The following KCNJ3 variants were observed in gnomAD, a reference collection of about 807,000 sequenced individuals.
The protein encoded by KCNJ3 is potassium inwardly rectifying channel subfamily J member 3, also known as G protein-activated inward rectifier potassium channel 1.
In KCNJ3, 4 loss-of-function variants were observed where a neutral mutation model predicts 39.2. The observed-to-expected ratio is 0.10, with a 90% CI of 0.05 to 0.23. The LOEUF (loss-of-function observed/expected upper bound fraction) is 0.23. KCNJ3 is among the 10% of genes least tolerant of loss of function. The pLI is 1.00. For missense variants in KCNJ3, 276 were observed against 634.9 expected, an observed-to-expected ratio of 0.43 and a Z score of 6.08; for synonymous variants, 230 against 237.4, an observed-to-expected ratio of 0.97 and a Z score of 0.29.
chr2:154,847,939 A>C (rs1687688889), intron 2 of KCNJ3, among the ~76,000 whole-genome samples: 1 of 152,126 alleles, frequency 6.6e-6, no homozygotes, highest in South Asian at 2.1e-4. Flanking sequence ...TACTGTGGAC[A>C]CCAGAATATC....
intron 2 of KCNJ3, among the ~76,000 whole-genome samples, chr2:154,748,931 C>G (rs373828042): frequency 2.6e-5 from 4 of 152,234 alleles, no homozygotes; most frequent in South Asian, 4.1e-4. Flanking sequence ...AATGAAGTGG[C>G]TTGCAAGGCA....
At chr2:154,776,555 G>C (rs1023937842) in intron 2 of KCNJ3, among the ~76,000 whole-genome samples, 1 of 151,942 alleles carries the variant, frequency 6.6e-6, no homozygotes, top group Non-Finnish European at 1.5e-5. Context: ...AGTAAAACAG[G>C]TTCTTACCAT....
chr2:154,767,565 T>A (rs1274525345), intron 2 of KCNJ3, among the ~76,000 whole-genome samples: 1 of 152,206 alleles, frequency 6.6e-6, no homozygotes, highest in East Asian at 1.9e-4. Flanking sequence ...ATATGCCACA[T>A]TTTCTTAATC....
At chr2:154,771,508 A>C (rs116203365) in intron 2 of KCNJ3, among the ~76,000 whole-genome samples, 16 of 152,264 alleles carry the variant, frequency 1.1e-4, no homozygotes, top group African/African-American at 3.6e-4. Context: ...ATCTAGAAGA[A>C]AGTTTAGAGC....
intron 2 of KCNJ3, among the ~76,000 whole-genome samples, chr2:154,762,547 A>G (rs1686062919): frequency 6.6e-6 from 1 of 152,226 alleles, no homozygotes; most frequent in African/African-American, 2.4e-5. Context: ...ACTTCTTTAC[A>G]GAAGTGTTCC....
At chr2:154,833,367 A>C (rs1687393945) in intron 2 of KCNJ3, among the ~76,000 whole-genome samples, 1 of 152,196 alleles carries the variant, frequency 6.6e-6, no homozygotes, top group East Asian at 1.9e-4. Flanking sequence ...AAACTTTAAA[A>C]TTTTCCAATT....
intron 1 of KCNJ3, among the ~76,000 whole-genome samples, chr2:154,708,728 T>C (rs564206243): frequency 6.6e-6 from 1 of 152,176 alleles, no homozygotes; most frequent in Non-Finnish European, 1.5e-5. Flanking sequence ...TAATTTTTAA[T>C]AGTCATATTA....
intron 2 of KCNJ3, among the ~76,000 whole-genome samples, chr2:154,732,239 T>G (rs1186417942): frequency 6.6e-6 from 1 of 152,112 alleles, no homozygotes; most frequent in Non-Finnish European, 1.5e-5. Context: ...ACGTGTGCAT[T>G]TTTTATTTCT....
intron 2 of KCNJ3, among the ~76,000 whole-genome samples, chr2:154,715,960 C>A (rs930417296): frequency 1.3e-5 from 2 of 152,098 alleles, no homozygotes; most frequent in Non-Finnish European, 2.9e-5. Flanking sequence ...TAGATAAATT[C>A]TCTGCAGATA....
At chr2:154,832,244 GGTTTCAATTTAATTAAAAAAAA>G (rs1217775239) in intron 2 of KCNJ3, among the ~76,000 whole-genome samples, 1 of 151,936 alleles carries the variant, frequency 6.6e-6, no homozygotes, top group Non-Finnish European at 1.5e-5. Flanking sequence ...CATAGGAATG[GGTTTCAATTTAATTAAAAAAAA>G]GTATGAAATC....
intron 1 of KCNJ3, among the ~76,000 whole-genome samples, chr2:154,705,832 C>T (rs890842099): frequency 6.6e-6 from 1 of 151,882 alleles, no homozygotes; most frequent in African/African-American, 2.4e-5. Context: ...TTTTATAACT[C>T]CCAGAATTTT....
chr2:154,730,741 A>G (rs1685435197), intron 2 of KCNJ3, among the ~76,000 whole-genome samples: 1 of 152,080 alleles, frequency 6.6e-6, no homozygotes, highest in Non-Finnish European at 1.5e-5. Flanking sequence ...TCATGCTCAC[A>G]TGAGAAGCTC....
chr2:154,746,396 A>G (rs542032922), intron 2 of KCNJ3, among the ~76,000 whole-genome samples: 25 of 151,858 alleles, frequency 1.6e-4, no homozygotes, highest in African/African-American at 5.8e-4. Flanking sequence ...ACATCCTCCT[A>G]TATACTTTAA....
At chr2:154,782,792 T>G (rs567509717) in intron 2 of KCNJ3, among the ~76,000 whole-genome samples, 1 of 151,830 alleles carries the variant, frequency 6.6e-6, no homozygotes, top group African/African-American at 2.4e-5. Context: ...TTGGCCGGAG[T>G]GTATACAAGT....
At chr2:154,846,125 G>T (rs1687659439) in intron 2 of KCNJ3, among the ~76,000 whole-genome samples, 1 of 152,164 alleles carries the variant, frequency 6.6e-6, no homozygotes, top group South Asian at 2.1e-4. Flanking sequence ...AGTCAAATTT[G>T]TTCAGAGCAG....
intron 2 of KCNJ3, 95 bp downstream of exon 2, chr2:154,709,914 A>C: frequency 7.4e-7 from 1 of 1,359,170 alleles, no homozygotes; most frequent in African/African-American, 1.5e-5. Context: ...GAAATGACTC[A>C]GAGTTTACAA....
At chr2:154,802,434 T>A (rs922038921) in intron 2 of KCNJ3, among the ~76,000 whole-genome samples, 3 of 152,158 alleles carry the variant, frequency 2.0e-5, no homozygotes, top group Non-Finnish European at 4.4e-5. Context: ...TCATTTCACA[T>A]TGCCAGTTTT....
At chr2:154,787,055 G>A (rs1057476140) in intron 2 of KCNJ3, among the ~76,000 whole-genome samples, 2 of 152,030 alleles carry the variant, frequency 1.3e-5, no homozygotes, top group African/African-American at 2.4e-5. Context: ...CTTCCAATAA[G>A]TATTTTTATG....
intron 2 of KCNJ3, among the ~76,000 whole-genome samples, chr2:154,764,177 A>G (rs1211780207): frequency 1.3e-5 from 2 of 152,226 alleles, no homozygotes; most frequent in African/African-American, 4.8e-5. Flanking sequence ...ATTCTGGGCT[A>G]AAATAAAGAT....
Sources: gnomAD v4.1 joint callset for allele counts (sites outside exome capture counted in the v4.1 genomes callset) on GRCh38, gnomAD v4.1.1 for gene constraint, MANE v1.5 for transcripts, NCBI Gene and HGNC (gene_info 2026-07-23, HGNC 2026-07-21) for gene names.